CAMK1D: variants seen among roughly 807,000 people sequenced by gnomAD.
The protein encoded by CAMK1D is calcium/calmodulin dependent protein kinase ID, also known as calcium/calmodulin-dependent protein kinase type 1D.
CAMK1D carries 9 observed loss-of-function variants against 47.7 expected under a neutral mutation model. The observed-to-expected ratio is 0.19, with a 90% CI of 0.11 to 0.33. The LOEUF (loss-of-function observed/expected upper bound fraction) is 0.33. Ranked by LOEUF, CAMK1D falls within the 10% of genes least tolerant of loss-of-function variation. CAMK1D has a pLI of 1.00. For synonymous variants in CAMK1D, 184 were observed against 184.9 expected (o/e 0.99, Z 0.04); for missense variants, 291 against 488.7 (o/e 0.60, Z 3.81).
At chr10:12,517,343 T>C (rs1835242855) in intron 1 of CAMK1D, among the ~76,000 whole-genome samples, 1 of 152,226 alleles carries the variant, frequency 6.6e-6, no homozygotes, top group Admixed American at 6.5e-5. Context: ...ATTTTATCCT[T>C]TTCAATCTGT....
At chr10:12,442,655 T>C (rs1463712098) in intron 1 of CAMK1D, among the ~76,000 whole-genome samples, 1 of 152,238 alleles carries the variant, frequency 6.6e-6, no homozygotes, top group Non-Finnish European at 1.5e-5. Flanking sequence ...TGAAAGACTT[T>C]CTAGACTTTT....
intron 4 of CAMK1D, among the ~76,000 whole-genome samples, chr10:12,763,290 A>G (rs1408094588): frequency 1.3e-5 from 2 of 152,220 alleles, no homozygotes; most frequent in African/African-American, 2.4e-5. Flanking sequence ...AAAACAACCT[A>G]TATAACCAAG....
chr10:12,771,888 G>A (rs1837055124), intron 5 of CAMK1D, among the ~76,000 whole-genome samples: 1 of 152,170 alleles, frequency 6.6e-6, no homozygotes, highest in Non-Finnish European at 1.5e-5. Context: ...ACAAAAATTA[G>A]CCAGGCATGG....
intron 3 of CAMK1D, among the ~76,000 whole-genome samples, chr10:12,750,647 G>A (rs1383095893): frequency 6.6e-6 from 1 of 151,574 alleles, no homozygotes; most frequent in Non-Finnish European, 1.5e-5. Context: ...CGCTATCAAG[G>A]TTAGGGGATG....
intron 2 of CAMK1D, among the ~76,000 whole-genome samples, chr10:12,615,752 TTG>T (rs1264481972): frequency 6.7e-6 from 1 of 149,454 alleles, no homozygotes; most frequent in Non-Finnish European, 1.5e-5. Flanking sequence ...GTGTGTATAG[TTG>T]TGTGCGTAGG....
At position 12,798,916 on chromosome 10, in the gene CAMK1D, TCAG is replaced by T. The variant is rs531619776; in HGVS notation, c.641+7687_641+7689del. Among the ~76,000 whole-genome samples the T allele has an allele frequency of 2.6e-5, 4 of 152,256 alleles. No homozygotes were observed. In the South Asian group the frequency reaches 8.3e-4, roughly 32 times the overall value. ...TATTGGAGGTGCACAGCAGCAGCAC[TCAG>T]CAGGACAGGAGCAGGGCATAGATGG... is the stretch of plus-strand genomic sequence containing the variant. On this transcript the variant is annotated intron_variant, in intron 6 of 10. Transcript: ENST00000619168.
chr10:12,361,053 A>AT (rs1837642881), intron 1 of CAMK1D, among the ~76,000 whole-genome samples: 1 of 152,200 alleles, frequency 6.6e-6, no homozygotes, highest in East Asian at 1.9e-4. Context: ...CAGACTTTGC[A>AT]TATAAGTTGG....
chr10:12,727,548 C>G (rs1834700725), intron 3 of CAMK1D, among the ~76,000 whole-genome samples: 1 of 152,194 alleles, frequency 6.6e-6, no homozygotes, highest in Admixed American at 6.5e-5. Flanking sequence ...ATAAGTTACA[C>G]ACAACAGACA....
At chr10:12,660,506 C>A (rs2132535378) in intron 2 of CAMK1D, among the ~76,000 whole-genome samples, 1 of 152,258 alleles carries the variant, frequency 6.6e-6, no homozygotes, top group Admixed American at 6.5e-5. Flanking sequence ...AAAATGTTTT[C>A]TTGGCTTTTT....
At chr10:12,752,324 A>T (rs1836026293) in intron 3 of CAMK1D, among the ~76,000 whole-genome samples, 1 of 152,258 alleles carries the variant, frequency 6.6e-6, no homozygotes, top group Admixed American at 6.5e-5. Flanking sequence ...GCCTACCCAC[A>T]CTTGTGCTAG....
chr10:12,702,135 G>A (rs1287646176), intron 3 of CAMK1D, among the ~76,000 whole-genome samples: 1 of 152,172 alleles, frequency 6.6e-6, no homozygotes, highest in East Asian at 1.9e-4. Flanking sequence ...CCACTTTCTA[G>A]AAGCAGCATT....
rs1297331354 is a variant in CAMK1D, at chr10:12,830,657, C to T, written c.*1770C>T. The T allele has an allele frequency of 6.6e-6, 1 of 152,278 alleles. No individual in the cohort carries two copies. The highest frequency in any genetic ancestry group is 1.5e-5 in the Non-Finnish European group (1 of 68,112). The allele number at this position is 152,278 out of a possible 1,614,324, so 9.4% of individuals were successfully genotyped here. A position where few individuals can be genotyped will look rare whatever the true frequency, so the allele number is the denominator to read the frequency against. On this transcript the variant is annotated 3_prime_UTR_variant, in exon 11 of 11. Transcript: ENST00000619168. The stretch of plus-strand genomic sequence containing the variant: ...TCATGGAGGCTTCCAGGAGGCTGCC[C>T]TGTAAAGCCAGGCAGGTGGCTTCAA...
intron 2 of CAMK1D, among the ~76,000 whole-genome samples, chr10:12,657,921 C>T (rs968489991): frequency 5.9e-5 from 9 of 152,088 alleles, no homozygotes; most frequent in Admixed American, 3.3e-4. Flanking sequence ...GAGGCTGAGG[C>T]GGGCGGATCA....
intron 1 of CAMK1D, among the ~76,000 whole-genome samples, chr10:12,455,247 C>G (rs1227754180): frequency 1.3e-5 from 2 of 152,324 alleles, no homozygotes; most frequent in Admixed American, 1.3e-4. Context: ...CCAGGGCTCA[C>G]TGCAGCCTTG....
chr10:12,377,263 TAA>T (rs1564301820), intron 1 of CAMK1D, among the ~76,000 whole-genome samples: 1 of 152,184 alleles, frequency 6.6e-6, no homozygotes, highest in South Asian at 2.1e-4. Context: ...CTGAAACTTT[TAA>T]AAAAAGTGTA....
Position 12,694,132 on chromosome 10 carries a change from T to A in CAMK1D, c.299+27322T>A, listed in dbSNP as rs868364687. ...TAATATATATTATGCATAATATATATTATATATAATATAATATATAATATA... is the reference window on the plus strand; with the variant it reads ...TAATATATATTATGCATAATATATAATATATATAATATAATATATAATATA... On this transcript the variant is annotated intron_variant, in intron 3 of 10. Transcript: ENST00000619168. 5.9e-3 allele frequency among the ~76,000 whole-genome samples: 129 copies of A among 21,902 alleles called. 5 individuals are homozygous for A. The highest frequency in any genetic ancestry group is 0.02 in the South Asian group (7 of 352). 14.4% of individuals were successfully genotyped at this position (21,902 alleles called of 152,430 possible).
At chr10:12,628,590 G>A (rs571115695) in intron 2 of CAMK1D, among the ~76,000 whole-genome samples, 2 of 152,178 alleles carry the variant, frequency 1.3e-5, no homozygotes, top group South Asian at 2.1e-4. Flanking sequence ...ATTGATGAGC[G>A]GTACATTTGC....
chr10:12,813,943 A>ATT (rs113993296), intron 6 of CAMK1D, among the ~76,000 whole-genome samples: 18,542 of 125,276 alleles, frequency 0.15, 3,780 homozygotes, highest in African/African-American at 0.46. Flanking sequence ...ATGTCAGCTG[A>ATT]TTTTTTTTTT....
At chr10:12,578,266 C>G (rs1837553666) in intron 2 of CAMK1D, among the ~76,000 whole-genome samples, 1 of 152,058 alleles carries the variant, frequency 6.6e-6, no homozygotes, top group Non-Finnish European at 1.5e-5. Flanking sequence ...TTTTGTAGGG[C>G]TGGGCACAGT....
Sources: allele counts gnomAD v4.1 joint callset (sites outside exome capture counted in the v4.1 genomes callset), GRCh38; gene constraint gnomAD v4.1.1; transcripts MANE v1.5; gene names NCBI Gene and HGNC (gene_info 2026-07-23, HGNC 2026-07-21).